The following YBEY variants were observed in gnomAD, a reference collection of about 807,000 sequenced individuals.
The protein encoded by YBEY is endoribonuclease YbeY.
A neutral mutation model predicts 13.5 loss-of-function variants in YBEY; 15 were observed. The observed-to-expected ratio is 1.11, with a 90% CI of 0.75 to 1.72. The LOEUF is 1.72. YBEY is among the 40% of genes most tolerant of loss of function. The pLI is 0.00. For missense variants in YBEY, 244 were observed against 208.4 expected (o/e 1.17, Z -1.05); for synonymous variants, 101 against 83.1 (o/e 1.21, Z -1.17).
At chr21:46,312,445 A>G in the YBEY span, among the ~76,000 whole-genome samples, 1 of 152,050 alleles carries the variant, frequency 6.6e-6, no homozygotes, top group Non-Finnish European at 1.5e-5. Flanking sequence ...CAGCCTCCCG[A>G]GTAGCTGGGA....
downstream of YBEY, chr21:46,302,108 C>T (rs1461169686): frequency 2.6e-6 from 4 of 1,528,090 alleles, no homozygotes; most frequent in Non-Finnish European, 2.6e-6. Flanking sequence ...GGCAGGCAGC[C>T]TTGGCCTGGC....
rs1254464709 is a variant in YBEY, at chr21:46,297,588, G to C, written c.458G>C (p.Gly153Ala). 3 of 1,384,718 alleles carry C rather than the reference G, an allele frequency of 2.2e-6. No individual in the cohort carries two copies. The highest frequency in any genetic ancestry group is 1.9e-4 in the Middle Eastern group (1 of 5,280). 85.8% of individuals were successfully genotyped at this position (1,384,718 alleles called of 1,614,324 possible). The change falls in exon 5 of 5, where the codon GGG becomes GCG. Residue 153 changes from glycine (G) to alanine (A), a missense_variant. Transcript: ENST00000397701. ...CTGGACGAGCTGGGCCGACGCACGG[G>C]GACCCGGCTGCAGCCCCTGACCCGG... ...AVLDELGRRT[G>A]TRLQPLTRGL...
chr21:46,312,810 C>T, the YBEY span, among the ~76,000 whole-genome samples: 2 of 152,216 alleles, frequency 1.3e-5, no homozygotes, highest in Non-Finnish European at 2.9e-5. Context: ...TCCCAACAGG[C>T]GTTCTCAATT....
At chr21:46,291,286 T>G in intron 2 of YBEY, 48 bp from the exon 3 acceptor site, 1 of 1,610,234 alleles carries the variant, frequency 6.2e-7, no homozygotes. Flanking sequence ...CAACCTGTGG[T>G]TGGGTTACGT....
At chr21:46,294,734 C>T (rs1240284210) in intron 3 of YBEY, among the ~76,000 whole-genome samples, 1 of 148,486 alleles carries the variant, frequency 6.7e-6, no homozygotes, top group Non-Finnish European at 1.5e-5. Flanking sequence ...CATTTTTGCA[C>T]AGGTGGTTTC....
intron 1 of YBEY, 130 bp from the exon 2 acceptor site, chr21:46,286,740 A>T: frequency 1.6e-6 from 1 of 619,736 alleles, no homozygotes; most frequent in Non-Finnish European, 2.8e-6. Context: ...TCCTTGTGGT[A>T]AATGTAAATT....
At chr21:46,296,023 A>C in intron 3 of YBEY, 139 bp from the exon 4 acceptor site, 1 of 757,896 alleles carries the variant, frequency 1.3e-6, no homozygotes, top group Non-Finnish European at 2.2e-6. Flanking sequence ...GAGTGCCTGT[A>C]ATTCCTGCCC....
chr21:46,291,020 A>G (rs931511510), intron 2 of YBEY, among the ~76,000 whole-genome samples: 13 of 128,248 alleles, frequency 1.0e-4, no homozygotes, highest in African/African-American at 3.9e-4. Flanking sequence ...CTGTCTCAGG[A>G]AAAAAAAAAA....
the YBEY span, among the ~76,000 whole-genome samples, chr21:46,310,891 CAG>C: frequency 2.6e-5 from 4 of 151,800 alleles, no homozygotes; most frequent in East Asian, 5.8e-4. Context: ...ATTTTTGAGA[CAG>C]AGTCTCACTC....
chr21:46,290,872 C>T (rs553806580), intron 2 of YBEY, among the ~76,000 whole-genome samples: 5 of 151,948 alleles, frequency 3.3e-5, no homozygotes, highest in Admixed American at 2.6e-4. Context: ...ACGGAGAAAC[C>T]CAGTCTCTAC....
At chr21:46,295,037 G>C (rs1226058878) in intron 3 of YBEY, among the ~76,000 whole-genome samples, 1 of 152,148 alleles carries the variant, frequency 6.6e-6, no homozygotes, top group African/African-American at 2.4e-5. Context: ...AGAGTGACAG[G>C]AAGTGGCCCA....
downstream of YBEY, chr21:46,302,172 G>A (rs544945414): frequency 9.6e-6 from 14 of 1,463,980 alleles, no homozygotes; most frequent in Admixed American, 3.3e-4. Flanking sequence ...AGACGCACCT[G>A]CTGCTTAGGA....
chr21:46,310,457 C>T, the YBEY span, among the ~76,000 whole-genome samples: 2 of 147,452 alleles, frequency 1.4e-5, no homozygotes, highest in South Asian at 4.3e-4. Flanking sequence ...CCTATCTGTG[C>T]AACAAGAGCG....
At chr21:46,292,166 C>G (rs1227957258) in intron 3 of YBEY, 1 of 152,242 alleles carries the variant, frequency 6.6e-6, no homozygotes, top group Admixed American at 6.6e-5. Context: ...TGCCAGAACT[C>G]AAAAGTCTGA....
the YBEY span, among the ~76,000 whole-genome samples, chr21:46,304,024 T>G: frequency 9.6e-6 from 1 of 104,506 alleles, no homozygotes; most frequent in African/African-American, 3.6e-5. Context: ...GTGCTGGTTT[T>G]TTTTTTTTTT....
At chr21:46,291,305 C>G (rs749462665) in intron 2 of YBEY, 29 bp from the exon 3 acceptor site, 3 of 1,612,370 alleles carry the variant, frequency 1.9e-6, no homozygotes, top group Non-Finnish European at 2.5e-6. Flanking sequence ...GTTTCCTGTT[C>G]TCTAAGTCTA....
intron 4 of YBEY, 69 bp downstream of exon 4, chr21:46,296,299 A>T: frequency 6.9e-7 from 1 of 1,456,100 alleles, no homozygotes; most frequent in Non-Finnish European, 9.1e-7. Context: ...GGCCCCTGCC[A>T]GCCCCCACCC....
downstream of YBEY, chr21:46,301,710 C>T (rs149602754): frequency 1.6e-4 from 192 of 1,183,454 alleles, no homozygotes; most frequent in East Asian, 4.9e-3. Context: ...GGGCCGGCGC[C>T]GCCCTACAGG....
downstream of YBEY, among the ~76,000 whole-genome samples, chr21:46,298,434 C>CTTTTTTTTT (rs557264546): frequency 6.2e-3 from 605 of 97,130 alleles, 97 homozygotes; most frequent in African/African-American, 0.02. Flanking sequence ...TTAATCCAAG[C>CTTTTTTTTT]TTTTTTTTTT....
Sources: gnomAD v4.1 joint callset for allele counts (sites outside exome capture counted in the v4.1 genomes callset) on GRCh38, gnomAD v4.1.1 for gene constraint, MANE v1.5 for transcripts, NCBI Gene and HGNC (gene_info 2026-07-23, HGNC 2026-07-21) for gene names.